Variants in SMARCAD1 observed in about 807,000 individuals in gnomAD.
SMARCAD1 encodes the protein SNF2 related chromatin remodeling ATPase with DExD box 1, also known as SWI/SNF-related matrix-associated actin-dependent regulator of chromatin subfamily A containing DEAD/H box 1.
In SMARCAD1, 25 loss-of-function variants were observed where a neutral mutation model predicts 127.1. The observed-to-expected ratio is 0.20, with a 90% CI of 0.14 to 0.27. The LOEUF is 0.27. SMARCAD1 is among the 10% of genes least tolerant of loss of function. The pLI is 1.00. For synonymous variants in SMARCAD1, 400 were observed against 396.9 expected (o/e 1.01, Z -0.09); for missense variants, 807 against 1,206.0 (o/e 0.67, Z 4.90).
At chr4:94,276,739 A>C (rs1034023736) in intron 15 of SMARCAD1, among the ~76,000 whole-genome samples, 1 of 152,138 alleles carries the variant, frequency 6.6e-6, no homozygotes, top group African/African-American at 2.4e-5. Flanking sequence ...TACCTGTTCT[A>C]TATGTTAAAC....
intron 2 of SMARCAD1, among the ~76,000 whole-genome samples, chr4:94,214,839 A>G (rs1028238845): frequency 6.6e-6 from 1 of 151,858 alleles, no homozygotes; most frequent in African/African-American, 2.4e-5. Flanking sequence ...TTAGTCCTCT[A>G]GAGTGGTTGC....
At chr4:94,254,362 G>C (rs1180012690) in intron 9 of SMARCAD1, among the ~76,000 whole-genome samples, 1 of 151,974 alleles carries the variant, frequency 6.6e-6, no homozygotes, top group Non-Finnish European at 1.5e-5. Context: ...GGGTTGCTCA[G>C]GCTTGTTGAG....
At chr4:94,270,623 G>C (rs900566649) in intron 10 of SMARCAD1, 105 bp from the exon 11 acceptor site, 9 of 898,226 alleles carry the variant, frequency 1.0e-5, no homozygotes, top group Non-Finnish European at 1.3e-5. Flanking sequence ...CAGTTAAAAG[G>C]TAAGATTAGA....
chr4:94,254,298 T>C (rs759886317), intron 9 of SMARCAD1, among the ~76,000 whole-genome samples: 14 of 152,122 alleles, frequency 9.2e-5, no homozygotes, highest in Non-Finnish European at 1.9e-4. Flanking sequence ...TCTTCTTTTC[T>C]TCCTTTTCTT....
chr4:94,249,819 TAA>T (rs1560538742), intron 7 of SMARCAD1, 64 bp downstream of exon 7: 4 of 940,906 alleles, frequency 4.3e-6, no homozygotes, highest in African/African-American at 1.6e-5. Flanking sequence ...AAAATAGTGT[TAA>T]GAGTTCAACC....
chr4:94,274,697 C>T, intron 12 of SMARCAD1, 41 bp from the exon 13 acceptor site: 1 of 1,544,574 alleles, frequency 6.5e-7, no homozygotes, highest in African/African-American at 1.4e-5. Flanking sequence ...TGAACATACC[C>T]TATTGTAGCA....
chr4:94,245,996 A>T (rs1198291845), intron 6 of SMARCAD1, among the ~76,000 whole-genome samples: 1 of 152,096 alleles, frequency 6.6e-6, no homozygotes. Flanking sequence ...CCTGCAACAG[A>T]TTCTTGGAGA....
rs1224208059 is a variant in SMARCAD1, at chr4:94,291,180, T to A, written c.*1646T>A. 4.4e-6 allele frequency: 2 copies of A among 453,654 alleles called. No individual in the cohort carries two copies. The highest frequency in any genetic ancestry group is 8.8e-6 in the Non-Finnish European group (2 of 226,708). The allele number at this position is 453,654 out of a possible 1,614,324, so 28.1% of individuals were successfully genotyped here. On this transcript the variant is annotated 3_prime_UTR_variant, in exon 24 of 24. Coordinates refer to ENST00000354268, the MANE Select transcript of SMARCAD1 (RefSeq NM_020159.5). The stretch of plus-strand genomic sequence containing the variant: ...AATGATAGGCTGTTTCTTTTTTTGT[T>A]GTTATTGTTGTTGTTGTTATATCCA...
chr4:94,286,107 T>C (rs146576351), intron 23 of SMARCAD1, among the ~76,000 whole-genome samples: 40 of 152,314 alleles, frequency 2.6e-4, no homozygotes, highest in African/African-American at 8.9e-4. Flanking sequence ...TCTTTTCTTA[T>C]GGGCTAGTTC....
At chr4:94,264,374 T>C (rs750517326) in intron 9 of SMARCAD1, among the ~76,000 whole-genome samples, 2 of 151,946 alleles carry the variant, frequency 1.3e-5, no homozygotes, top group South Asian at 4.1e-4. Flanking sequence ...TTTTAAAAAC[T>C]TGATAGGAGA....
rs375386368 is a variant in SMARCAD1 at position 94,276,981 on chromosome 4, C to G, written c.1945-41C>G. The stretch of plus-strand genomic sequence containing the variant: ...GAGGATAGACATGAAAGGAGTGGCT[C>G]TTTAAGAAAAAGCTAATATAAATTT... On this transcript the variant is annotated intron_variant, in intron 15 of 23. Transcript: ENST00000354268. The G allele has an allele frequency of 5.6e-5, 91 of 1,612,514 alleles. No individual in the cohort carries two copies. In the African/African-American group the frequency reaches 1.0e-3, roughly 18 times the overall value.
In SMARCAD1 at chr4:94,291,178, G is replaced by A. The variant is rs14696; in HGVS notation, c.*1644G>A. 2.2e-6 allele frequency: 1 copy of A among 452,366 alleles called. No individual in the cohort carries two copies. The highest frequency in any genetic ancestry group is 2.4e-5 in the Admixed American group (1 of 42,088). The allele number at this position is 452,366 out of a possible 1,614,324, so 28.0% of individuals were successfully genotyped here. ...TCAATGATAGGCTGTTTCTTTTTTT[G>A]TTGTTATTGTTGTTGTTGTTATATC... On this transcript the variant is annotated 3_prime_UTR_variant, in exon 24 of 24. Coordinates refer to ENST00000354268, the MANE Select transcript of SMARCAD1 (RefSeq NM_020159.5).
intron 4 of SMARCAD1, among the ~76,000 whole-genome samples, chr4:94,235,446 T>C (rs1746502774): frequency 6.6e-6 from 1 of 151,936 alleles, no homozygotes; most frequent in Non-Finnish European, 1.5e-5. Context: ...CTGTGAACCA[T>C]AGGTGGTCCT....
In SMARCAD1 at chr4:94,278,636, C is replaced by T. The variant is rs1579336594; in HGVS notation, c.2199C>T (p.Pro733=). 1.2e-6 allele frequency: 2 copies of T among 1,613,886 alleles called. No individual in the cohort carries two copies. The highest frequency in any genetic ancestry group is 2.2e-5 in the East Asian group (1 of 44,838). ...CTCAGGTTCTCAAGCAGTTACCCCC[C>T]AAGAAAGATCGAATTGAGTTGTGTG... is the stretch of plus-strand genomic sequence containing the variant. ...VKEEVLKQLP[P]KKDRIELCAM... The change falls in exon 18 of 24, where the codon CCC becomes CCT. Residue 733 remains proline (P), a synonymous_variant. Transcript: ENST00000354268.
rs1276430346 is a variant in SMARCAD1 at position 94,272,606 on chromosome 4, G to A, written c.1573-1011G>A. Among the ~76,000 whole-genome samples the A allele has an allele frequency of 2.0e-5, 3 of 151,926 alleles. No individual in the cohort carries two copies. The East Asian group carries it at 5.8e-4, about 29-fold the overall frequency. On this transcript the variant is annotated intron_variant, in intron 11 of 23. Transcript: ENST00000354268. Reference sequence around the variant, plus strand: ...ATATGCAGTATACTCTATACTATTTGTTTTTGGTTCATTTGGTGCAACATA... The same window carrying A: ...ATATGCAGTATACTCTATACTATTTATTTTTGGTTCATTTGGTGCAACATA...
chr4:94,277,259 T>A, intron 16 of SMARCAD1, 100 bp downstream of exon 16: 19 of 1,315,062 alleles, frequency 1.4e-5, no homozygotes, highest in Non-Finnish European at 2.0e-5. Flanking sequence ...GTGCATATGC[T>A]CTATGAAGTA....
intron 23 of SMARCAD1, among the ~76,000 whole-genome samples, chr4:94,286,065 G>T (rs1023436670): frequency 8.6e-5 from 13 of 152,010 alleles, no homozygotes; most frequent in African/African-American, 3.1e-4. Flanking sequence ...AAATATAATA[G>T]AACCATAATA....
At chr4:94,288,973 A>G (rs1366964138) in intron 23 of SMARCAD1, among the ~76,000 whole-genome samples, 1 of 152,148 alleles carries the variant, frequency 6.6e-6, no homozygotes, top group East Asian at 1.9e-4. Context: ...GGTAATTTAA[A>G]GTGGCTAATT....
intron 6 of SMARCAD1, among the ~76,000 whole-genome samples, chr4:94,247,883 A>G (rs540315757): frequency 1.1e-4 from 17 of 152,158 alleles, no homozygotes; most frequent in African/African-American, 4.1e-4. Flanking sequence ...TACATGTGCA[A>G]GTTTGTTACA....
Sources: allele counts gnomAD v4.1 joint callset (sites outside exome capture counted in the v4.1 genomes callset), GRCh38; gene constraint gnomAD v4.1.1; transcripts MANE v1.5; gene names NCBI Gene and HGNC (gene_info 2026-07-23, HGNC 2026-07-21).